VRK1: variants seen among roughly 807,000 people sequenced by gnomAD.
VRK1 encodes serine/threonine-protein kinase VRK1.
Under a neutral mutation model 57.1 loss-of-function variants are expected in VRK1, and 33 were observed. The observed-to-expected ratio is 0.58, with a 90% CI of 0.44 to 0.77. The LOEUF (loss-of-function observed/expected upper bound fraction) is 0.77, where lower values mean the gene tolerates loss of function less well. VRK1 is among the 30% of genes least tolerant of loss of function. The pLI, the probability that VRK1 is intolerant of heterozygous loss-of-function variation, is 0.00. For missense variants in VRK1, 413 were observed against 477.3 expected (o/e 0.87, Z 1.25); for synonymous variants, 137 against 147.8 (o/e 0.93, Z 0.53).
chr14:96,837,626 A>G (rs1887272102), intron 2 of VRK1, 136 bp from the exon 3 acceptor site: 1 of 415,292 alleles, frequency 2.4e-6, no homozygotes, highest in Non-Finnish European at 4.1e-6. Flanking sequence ...TATGAAATGT[A>G]CTGTAATGAT....
chr14:96,829,163 C>T (rs1886912117), intron 1 of VRK1, among the ~76,000 whole-genome samples: 1 of 150,306 alleles, frequency 6.7e-6, no homozygotes, highest in African/African-American at 2.4e-5. Context: ...TCATAGTTTA[C>T]AGGAAATAAA....
rs150819396 is a variant in VRK1, at chr14:96,849,691, C to T, written c.374+2347C>T. Among the ~76,000 whole-genome samples, 190 of 152,248 alleles carry T rather than the reference C, an allele frequency of 1.2e-3. 2 individuals carry two copies. In the East Asian group the frequency reaches 0.027, roughly 22 times the overall value. ...GTAAGTGCTGAGGAAATGTTTCTTG[C>T]AGTCATCATCACTGTGATTATCATA... is the stretch of plus-strand genomic sequence containing the variant. On this transcript the variant is annotated intron_variant, in intron 5 of 12. Transcript: ENST00000216639.
In VRK1 at chr14:96,880,926, T is replaced by G. The variant is rs146997342; in HGVS notation, c.1160-251T>G. ...ATTAGATACGTTTTATCAGTCAGTATTTTTATATGGCTTAAGAGAAGGTAG... is the reference window on the plus strand; with the variant it reads ...ATTAGATACGTTTTATCAGTCAGTAGTTTTATATGGCTTAAGAGAAGGTAG... On this transcript the variant is annotated intron_variant, in intron 12 of 12. Transcript: ENST00000216639. Among the ~76,000 whole-genome samples, 176 of 152,326 alleles carry G rather than the reference T, an allele frequency of 1.2e-3. 2 individuals carry two copies. The highest frequency in any genetic ancestry group is 3.9e-3 in the African/African-American group (163 of 41,568).
At chr14:96,876,196 A>T in intron 12 of VRK1, 76 bp downstream of exon 12, 1 of 1,374,668 alleles carries the variant, frequency 7.3e-7, no homozygotes, top group Non-Finnish European at 1.0e-6. Context: ...ATGAGGGGTC[A>T]ACTATTTGGG....
At chr14:96,797,571 G>GGGAGTCGCCGTCAGCC (rs1885482204) in intron 1 of VRK1, 124 bp downstream of exon 1, 1 of 151,820 alleles carries the variant, frequency 6.6e-6, no homozygotes, top group African/African-American at 2.4e-5. Flanking sequence ...ACCGGGGTGC[G>GGGAGTCGCCGTCAGCC]GGAGTCGCCG....
intron 1 of VRK1, among the ~76,000 whole-genome samples, chr14:96,809,967 G>T (rs1308275300): frequency 6.6e-6 from 1 of 152,164 alleles, no homozygotes; most frequent in African/African-American, 2.4e-5. Flanking sequence ...CGGTTACTCT[G>T]CAGCTTTGCT....
intron 1 of VRK1, among the ~76,000 whole-genome samples, chr14:96,814,291 T>C (rs868044929): frequency 2.1e-3 from 320 of 152,332 alleles, no homozygotes; most frequent in Middle Eastern, 6.8e-3. Context: ...CATGAAGGTA[T>C]GATCCTGTCT....
intron 7 of VRK1, 41 bp downstream of exon 7, chr14:96,853,207 G>T: frequency 6.4e-7 from 1 of 1,554,738 alleles, no homozygotes; most frequent in Non-Finnish European, 8.9e-7. Context: ...AAAGCGTGTT[G>T]TTTGAAAATA....
intron 10 of VRK1, among the ~76,000 whole-genome samples, chr14:96,859,250 A>G (rs1328961546): frequency 6.8e-6 from 1 of 146,432 alleles, no homozygotes; most frequent in African/African-American, 2.4e-5. Flanking sequence ...TGTTAAATGT[A>G]TCTACTAGTT....
intron 3 of VRK1, 130 bp from the exon 4 acceptor site, chr14:96,845,965 C>T: frequency 1.2e-6 from 1 of 812,222 alleles, no homozygotes. Flanking sequence ...AATCTTAACA[C>T]AGTTATAAAC....
At chr14:96,817,928 T>C (rs1479918016) in intron 1 of VRK1, among the ~76,000 whole-genome samples, 1 of 152,194 alleles carries the variant, frequency 6.6e-6, no homozygotes, top group Non-Finnish European at 1.5e-5. Flanking sequence ...TGACATCTTT[T>C]GGCTTGCTCC....
At chr14:96,841,097 A>G (rs1265379534) in intron 3 of VRK1, among the ~76,000 whole-genome samples, 1 of 151,974 alleles carries the variant, frequency 6.6e-6, no homozygotes, top group African/African-American at 2.4e-5. Context: ...AGCTCAAGTG[A>G]TCCTTCCCTC....
intron 10 of VRK1, 113 bp from the exon 11 acceptor site, chr14:96,860,444 T>A: frequency 2.0e-6 from 2 of 1,020,800 alleles, no homozygotes; most frequent in Non-Finnish European, 2.8e-6. Context: ...AAAATAGGTA[T>A]CTTAACAAGA....
chr14:96,820,257 ATGAGGCATCCACTTATAGAGCTT>A (rs1886549426), intron 1 of VRK1, among the ~76,000 whole-genome samples: 1 of 151,952 alleles, frequency 6.6e-6, no homozygotes, highest in South Asian at 2.1e-4. Flanking sequence ...TGCTCAGCTT[ATGAGGCATCCACTTATAGAGCTT>A]TTTCACCTTC....
In VRK1 at chr14:96,833,591, A is replaced by AT; in HGVS notation, c.122dup (p.Leu41PhefsTer15). 1 of 1,613,772 alleles carries AT rather than the reference A, an allele frequency of 6.2e-7. No homozygotes were observed. The highest frequency in any genetic ancestry group is 8.5e-7 in the Non-Finnish European group (1 of 1,179,724). ...TGGCAAAAAAGGAATGGAAAGTAGG[A>AT]TTACCCATTGGCCAAGGAGGCTTTG... On this transcript the variant is annotated frameshift_variant, in exon 2 of 13. Coordinates refer to ENST00000216639, the MANE Select transcript of VRK1 (RefSeq NM_003384.3). LOFTEE classifies it high-confidence loss of function.
At chr14:96,869,340 A>G (rs968568364) in intron 11 of VRK1, among the ~76,000 whole-genome samples, 42 of 152,138 alleles carry the variant, frequency 2.8e-4, no homozygotes, top group African/African-American at 9.9e-4. Flanking sequence ...GAACGTTTTC[A>G]TTTGAATCTG....
chr14:96,836,450 ACT>A (rs1244011708), intron 2 of VRK1, among the ~76,000 whole-genome samples: 4 of 148,632 alleles, frequency 2.7e-5, no homozygotes, highest in Admixed American at 1.3e-4. Flanking sequence ...CTTCTGCCTC[ACT>A]GTTTCCCCCA....
intron 12 of VRK1, chr14:96,877,556 G>A: frequency 1.6e-6 from 2 of 1,289,386 alleles, no homozygotes; most frequent in African/African-American, 1.5e-5. Context: ...CCAGAGGCTA[G>A]CAGCAGCAGC....
At chr14:96,853,712 T>A (rs1888039710) in intron 7 of VRK1, among the ~76,000 whole-genome samples, 1 of 152,124 alleles carries the variant, frequency 6.6e-6, no homozygotes, top group Admixed American at 6.5e-5. Flanking sequence ...GGAGAAAAGC[T>A]AATGTTATTA....
Sources: allele counts gnomAD v4.1 joint callset (sites outside exome capture counted in the v4.1 genomes callset), GRCh38; gene constraint gnomAD v4.1.1; transcripts MANE v1.5; gene names NCBI Gene and HGNC (gene_info 2026-07-23, HGNC 2026-07-21).